The following XPR1 variants were observed in gnomAD, a reference collection of about 807,000 sequenced individuals.
The protein encoded by XPR1 is solute carrier family 53 member 1.
In XPR1, 28 loss-of-function variants were observed where a neutral mutation model predicts 87.5. The observed-to-expected ratio is 0.32, with a 90% CI of 0.24 to 0.44. XPR1 has a LOEUF of 0.44. Among genes scored for constraint, XPR1 ranks in the 20% least tolerant of loss-of-function variants. The probability of loss-of-function intolerance (pLI) is 1.00; values close to 1 mark genes in which losing one functional copy is unlikely to be tolerated. For synonymous variants in XPR1, 300 were observed against 306.1 expected (o/e 0.98, Z 0.21); for missense variants, 559 against 862.3 (o/e 0.65, Z 4.41).
At chr1:180,644,371 A>G (rs1571670939) in intron 1 of XPR1, among the ~76,000 whole-genome samples, 1 of 131,762 alleles carries the variant, frequency 7.6e-6, no homozygotes, top group Admixed American at 7.4e-5. Context: ...CTTTTCCTAT[A>G]CTTTTAATGT....
At chr1:180,841,006 G>A (rs1020300891) in intron 11 of XPR1, among the ~76,000 whole-genome samples, 6 of 152,046 alleles carry the variant, frequency 3.9e-5, no homozygotes, top group African/African-American at 1.2e-4. Flanking sequence ...ATAATCTAGT[G>A]GGGGAATAGA....
At chr1:180,703,087 A>T (rs1319381162) in intron 2 of XPR1, among the ~76,000 whole-genome samples, 1 of 152,120 alleles carries the variant, frequency 6.6e-6, no homozygotes, top group African/African-American at 2.4e-5. Context: ...TCATTGGCTT[A>T]GACTGTGTTT....
Position 180,846,421 on chromosome 1 carries a change from G to GTTTGTT in XPR1, c.1501+9719_1501+9724dup, listed in dbSNP as rs1305384812. 1.3e-4 allele frequency among the ~76,000 whole-genome samples: 19 copies of GTTTGTT among 149,524 alleles called. 1 individual carries two copies. Among genetic ancestry groups the GTTTGTT allele is most frequent in the Non-Finnish European group, 2.5e-4 (17 of 67,614 alleles). ...TGGGCTAATGTTGAATTTCTTGTTTGTTTGTTTTTGTTTTTGTTTATTTAT... is the reference window on the plus strand; with the variant it reads ...TGGGCTAATGTTGAATTTCTTGTTTGTTTGTTTTTGTTTTTGTTTTTGTTTATTTAT... On this transcript the variant is annotated intron_variant, in intron 11 of 14. Coordinates refer to ENST00000367590, the MANE Select transcript of XPR1 (RefSeq NM_004736.4).
chr1:180,746,876 G>A (rs1647277044), intron 2 of XPR1, among the ~76,000 whole-genome samples: 1 of 152,052 alleles, frequency 6.6e-6, no homozygotes, highest in Admixed American at 6.6e-5. Flanking sequence ...CCTGAGTACA[G>A]GAATTACTTA....
At chr1:180,772,261 G>T (rs1648544809) in intron 2 of XPR1, among the ~76,000 whole-genome samples, 1 of 152,056 alleles carries the variant, frequency 6.6e-6, no homozygotes. Context: ...ATTCTTTTGG[G>T]AAAGTTTCTT....
intron 2 of XPR1, among the ~76,000 whole-genome samples, chr1:180,770,418 CTT>C (rs1217408362): frequency 2.0e-5 from 3 of 152,044 alleles, no homozygotes; most frequent in Non-Finnish European, 4.4e-5. Flanking sequence ...GTGTTTTTCT[CTT>C]TTTAATTTAA....
Position 180,831,647 on chromosome 1 carries a change from T to C in XPR1, c.1135-3227T>C, listed in dbSNP as rs112077268. 4.0e-3 allele frequency among the ~76,000 whole-genome samples: 583 copies of C among 146,664 alleles called. 9 individuals carry two copies. The highest frequency in any genetic ancestry group is 0.014 in the African/African-American group (556 of 40,054). On this transcript the variant is annotated intron_variant, in intron 9 of 14. Transcript: ENST00000367590. The stretch of plus-strand genomic sequence containing the variant: ...CACTTATGAGTGAGAACATGCGGTG[T>C]TTGGTTTTGTGTTTGTGTGTTAGTT...
At chr1:180,755,623 G>A (rs1225863496) in intron 2 of XPR1, among the ~76,000 whole-genome samples, 2 of 152,082 alleles carry the variant, frequency 1.3e-5, no homozygotes, top group African/African-American at 2.4e-5. Context: ...ACTTCCACAA[G>A]CAAACTTCAG....
At chr1:180,766,802 C>T (rs548111274) in intron 2 of XPR1, among the ~76,000 whole-genome samples, 1 of 152,222 alleles carries the variant, frequency 6.6e-6, no homozygotes, top group East Asian at 1.9e-4. Flanking sequence ...CTTATTATTT[C>T]TTACATTTGG....
Position 180,679,015 on chromosome 1 carries a change from G to C in XPR1, c.70-3345G>C, listed in dbSNP as rs535889779. On this transcript the variant is annotated intron_variant, in intron 1 of 14. Transcript: ENST00000367590. ...TCGAGACCATCCTGGCTAACATGGT[G>C]AAACCCCGTCTCTACTAAAAATACA... 5.3e-5 allele frequency among the ~76,000 whole-genome samples: 8 copies of C among 152,140 alleles called. No homozygotes were observed. In the East Asian group the frequency reaches 1.5e-3, roughly 29 times the overall value.
intron 3 of XPR1, among the ~76,000 whole-genome samples, chr1:180,792,825 A>T (rs1405326385): frequency 2.0e-5 from 3 of 151,956 alleles, no homozygotes; most frequent in Admixed American, 6.6e-5. Flanking sequence ...GATCCAACTG[A>T]TCACTTTTTT....
At position 180,889,006 on chromosome 1, in the gene XPR1, A is replaced by T. The variant is rs1571264393; in HGVS notation, c.*4940A>T. 1 of 152,238 alleles carries T rather than the reference A, an allele frequency of 6.6e-6. No homozygotes were observed. Among genetic ancestry groups the T allele is most frequent in the Non-Finnish European group, 1.5e-5 (1 of 68,040 alleles). 9.4% of individuals were successfully genotyped at this position (152,238 alleles called of 1,614,324 possible). ...AGGAGCCTGTTGATTGGCATGGCTC[A>T]TGATGCCTTTCTTGTATGAATTATC... is the stretch of plus-strand genomic sequence containing the variant. On this transcript the variant is annotated 3_prime_UTR_variant, in exon 15 of 15. Coordinates refer to ENST00000367590, the MANE Select transcript of XPR1 (RefSeq NM_004736.4).
chr1:180,801,632 A>G (rs1036578979), intron 3 of XPR1, among the ~76,000 whole-genome samples: 6 of 152,218 alleles, frequency 3.9e-5, no homozygotes, highest in Non-Finnish European at 7.3e-5. Context: ...ACAGGACAAA[A>G]ATACTAAAGA....
intron 2 of XPR1, among the ~76,000 whole-genome samples, chr1:180,781,053 T>A (rs527417849): frequency 6.6e-6 from 1 of 152,024 alleles, no homozygotes; most frequent in Non-Finnish European, 1.5e-5. Flanking sequence ...TAAGAGCTCA[T>A]GTAGTTTTAG....
chr1:180,873,991 GAC>G, intron 13 of XPR1, 49 bp downstream of exon 13: 2 of 1,550,718 alleles, frequency 1.3e-6, no homozygotes, highest in Non-Finnish European at 1.8e-6. Flanking sequence ...TAACCTAAAA[GAC>G]ACCCAATACT....
At chr1:180,720,297 C>G (rs1195194979) in intron 2 of XPR1, among the ~76,000 whole-genome samples, 1 of 152,110 alleles carries the variant, frequency 6.6e-6, no homozygotes, top group Middle Eastern at 3.2e-3. Context: ...AATATATTGA[C>G]AAAGGGTAGA....
chr1:180,769,372 G>GTT (rs1249501150), intron 2 of XPR1, among the ~76,000 whole-genome samples: 3,249 of 134,398 alleles, frequency 0.024, 181 homozygotes, highest in African/African-American at 0.085. Context: ...GTTTTTTTGT[G>GTT]TTTTTTTTTT....
At chr1:180,769,695 G>C (rs972958805) in intron 2 of XPR1, among the ~76,000 whole-genome samples, 1 of 152,126 alleles carries the variant, frequency 6.6e-6, no homozygotes, top group Non-Finnish European at 1.5e-5. Flanking sequence ...TGGACATTTA[G>C]GTTGTTTCCA....
At chr1:180,723,176 T>G (rs1390128443) in intron 2 of XPR1, among the ~76,000 whole-genome samples, 1 of 152,190 alleles carries the variant, frequency 6.6e-6, no homozygotes, top group Admixed American at 6.5e-5. Flanking sequence ...CTGTAGAAAA[T>G]TGGAGCATTC....
Sources: allele counts gnomAD v4.1 joint callset (sites outside exome capture counted in the v4.1 genomes callset), GRCh38; gene constraint gnomAD v4.1.1; transcripts MANE v1.5; gene names NCBI Gene and HGNC (gene_info 2026-07-23, HGNC 2026-07-21).